Variants in LIG1 observed in about 807,000 individuals in gnomAD.
LIG1 encodes the protein ligase I, DNA, ATP-dependent.
LIG1 carries 70 observed loss-of-function variants against 115.7 expected under a neutral mutation model. The observed-to-expected ratio is 0.60, with a 90% CI of 0.50 to 0.74. The LOEUF is 0.74. Among genes scored for constraint, LIG1 ranks in the 30% least tolerant of loss-of-function variants. LIG1 has a pLI of 0.00. For synonymous variants in LIG1, 487 were observed against 495.3 expected (o/e 0.98, Z 0.22); for missense variants, 1,115 against 1,225.6 (o/e 0.91, Z 1.35).
Position 48,115,937 on chromosome 19 carries a change from C to A in LIG1, c.2612G>T (p.Arg871Leu). The A allele has an allele frequency of 6.2e-7, 1 of 1,613,932 alleles. No homozygotes were observed. The highest frequency in any genetic ancestry group is 8.5e-7 in the Non-Finnish European group (1 of 1,179,988). The change falls in exon 27 of 28, where the codon CGC becomes CTC. Residue 871 changes from arginine (R) to leucine (L), a missense_variant. Physicochemically the swap from Arg to Leu is moderately radical, Grantham distance 102. Coordinates refer to ENST00000263274, the MANE Select transcript of LIG1 (RefSeq NM_000234.3). The stretch of plus-strand genomic sequence containing the variant: ...ACGGACTCGAATAAACCGAGGGAAG[C>A]GAAGGGAGATGCCCTTGTCACTATC... ...LVDSDKGISL[R>L]FPRFIRVRED...
chr19:48,127,418 G>GATGAATGCTGTCGGCCT, intron 20 of LIG1, 70 bp from the exon 21 acceptor site: 1 of 1,366,450 alleles, frequency 7.3e-7, no homozygotes, highest in Non-Finnish European at 1.0e-6. Flanking sequence ...GAGGCCGACA[G>GATGAATGCTGTCGGCCT]CATTCATCTA....
At chr19:48,120,754 C>T in intron 24 of LIG1, 1 of 341,564 alleles carries the variant, frequency 2.9e-6, no homozygotes, top group South Asian at 6.5e-5. Context: ...GGCTGGAACT[C>T]CTGCAGCCAC....
intron 18 of LIG1, among the ~76,000 whole-genome samples, 158 bp downstream of exon 18, chr19:48,132,824 A>C (rs2034125182): frequency 6.9e-6 from 1 of 144,268 alleles, no homozygotes. Context: ...AAAAGAACAC[A>C]CTCACTGCAT....
rs1455317416 is a variant in LIG1, at chr19:48,121,366, G to C, written c.2233-44C>G. 1.9e-6 allele frequency: 3 copies of C among 1,539,600 alleles called. No individual in the cohort carries two copies. In the East Asian group the frequency reaches 7.0e-5, roughly 36 times the overall value. On this transcript the variant is annotated intron_variant, in intron 23 of 27. Coordinates refer to ENST00000263274, the MANE Select transcript of LIG1 (RefSeq NM_000234.3). ...AGAGATGAGAAGGGGGAGCGCCCAA[G>C]GCGGGGCCCTCACTGCTGGGGAGGG... is the stretch of plus-strand genomic sequence containing the variant.
intron 24 of LIG1, chr19:48,120,867 G>GC: frequency 5.9e-6 from 6 of 1,009,792 alleles, no homozygotes; most frequent in Non-Finnish European, 7.5e-6. Context: ...GCATCAGACT[G>GC]CCCCCTCCAC....
At chr19:48,142,405 T>TGCACTCCAGCCTGGGCAACAGA (rs2034821124) in intron 11 of LIG1, among the ~76,000 whole-genome samples, 1 of 127,566 alleles carries the variant, frequency 7.8e-6, no homozygotes, top group African/African-American at 3.0e-5. Context: ...ATTGCGCCAC[T>TGCACTCCAGCCTGGGCAACAGA]GCACTCCAGC....
intron 6 of LIG1, among the ~76,000 whole-genome samples, chr19:48,153,017 T>C (rs943599607): frequency 5.3e-5 from 8 of 151,846 alleles, no homozygotes; most frequent in Non-Finnish European, 1.0e-4. Flanking sequence ...GTCAACATAG[T>C]GAAACCCTGT....
intron 6 of LIG1, among the ~76,000 whole-genome samples, 182 bp downstream of exon 6, chr19:48,153,690 A>ACACAC (rs2035627751): frequency 1.6e-5 from 1 of 62,474 alleles, no homozygotes; most frequent in African/African-American, 7.9e-5. Flanking sequence ...ACACACACAC[A>ACACAC]CCTCTCCTTC....
At chr19:48,168,297 C>G (rs759686442) in intron 1 of LIG1, among the ~76,000 whole-genome samples, 4 of 152,200 alleles carry the variant, frequency 2.6e-5, no homozygotes, top group Non-Finnish European at 5.9e-5. Flanking sequence ...CCCTCCAAGA[C>G]AGGTGAGATC....
chr19:48,153,670 A>G (rs2035618454), intron 6 of LIG1, among the ~76,000 whole-genome samples: 1 of 145,104 alleles, frequency 6.9e-6, no homozygotes, highest in African/African-American at 2.6e-5. Context: ...ACACACACAC[A>G]CACACACACA....
intron 16 of LIG1, among the ~76,000 whole-genome samples, chr19:48,134,755 T>TA (rs532493927): frequency 5.4e-4 from 82 of 152,364 alleles, no homozygotes; most frequent in Admixed American, 2.4e-3. Context: ...CAGCAGCTGA[T>TA]AGAGCCCCAC....
chr19:48,115,666 G>GAC lies in LIG1; in HGVS notation c.2742_2743insGT (p.Pro915ValfsTer12), dbSNP rs2032743618. On this transcript the variant is annotated frameshift_variant, in exon 28 of 28. Transcript: ENST00000263274. LOFTEE classifies it high-confidence loss of function. The stretch of plus-strand genomic sequence containing the variant: ...GCGAGGGCTTAGTAGGTATCTTCAG[G>GAC]GTCAGAGCCTGAGTCCTCGCCTTGT... 6.2e-7 allele frequency: 1 copy of GAC among 1,613,624 alleles called. No individual in the cohort carries two copies. The highest frequency in any genetic ancestry group is 1.3e-5 in the African/African-American group (1 of 74,916).
chr19:48,143,947 C>G lies in LIG1; in HGVS notation c.793G>C (p.Gly265Arg). ...GAAEGPLDPS[G>R]YNPAKNNYHP... is the part of the protein sequence containing the mutation. ...TAGTTGTTCTTGGCAGGATTGTAAC[C>G]AGATGGATCCAGGGGTCTACGGAGG... The change falls in exon 10 of 28, where the codon GGT becomes CGT. Residue 265 changes from glycine to arginine, a missense_variant. Physicochemically the swap from Gly to Arg is moderately radical, Grantham distance 125 (BLOSUM62 -2). Transcript: ENST00000263274. 6.2e-7 allele frequency: 1 copy of G among 1,613,970 alleles called. No homozygotes were observed. Among genetic ancestry groups the G allele is most frequent in the Non-Finnish European group, 8.5e-7 (1 of 1,179,882 alleles).
At chr19:48,129,688 C>G (rs1055382597) in intron 19 of LIG1, among the ~76,000 whole-genome samples, 9 of 152,208 alleles carry the variant, frequency 5.9e-5, no homozygotes, top group Non-Finnish European at 1.0e-4. Context: ...GGGGTTGCCT[C>G]TGGTGGATGC....
chr19:48,163,840 G>C (rs925737560), intron 2 of LIG1, among the ~76,000 whole-genome samples: 3 of 151,746 alleles, frequency 2.0e-5, no homozygotes, highest in African/African-American at 7.3e-5. Context: ...AGCTACTCAG[G>C]AGGCTGAGGC....
chr19:48,115,679 G>A lies in LIG1; in HGVS notation c.2730C>T (p.Asp910=), dbSNP rs2032745187. Reference sequence around the variant, plus strand: ...AGGTATCTTCAGGGTCAGAGCCTGAGTCCTCGCCTTGTTGGTTCTGAATCT... The same window carrying A: ...AGGTATCTTCAGGGTCAGAGCCTGAATCCTCGCCTTGTTGGTTCTGAATCT... ...QSQIQNQQGE[D]SGSDPEDTY is the part of the protein sequence containing the mutation. Residue 910 remains aspartate (D), a synonymous_variant, in exon 28 of 28, where the codon GAC becomes GAT. Transcript: ENST00000263274. 2 of 1,614,066 alleles carry A rather than the reference G, an allele frequency of 1.2e-6. No individual in the cohort carries two copies. Among genetic ancestry groups the A allele is most frequent in the African/African-American group, 2.7e-5 (2 of 74,946 alleles).
chr19:48,133,161 G>C (rs932966329), intron 17 of LIG1, 64 bp from the exon 18 acceptor site: 3 of 1,046,830 alleles, frequency 2.9e-6, no homozygotes, highest in Non-Finnish European at 4.5e-6. Flanking sequence ...GGAACATGGA[G>C]AGGAGAACTG....
At chr19:48,165,709 G>GAA (rs34824188) in intron 1 of LIG1, 86 bp from the exon 2 acceptor site, 118,082 of 765,380 alleles carry the variant, frequency 0.15, 3,571 homozygotes, top group African/African-American at 0.28. Flanking sequence ...AAGAAAGAAA[G>GAA]AAAAAAAAAA....
chr19:48,147,456 C>T (rs191021174), intron 9 of LIG1: 2 of 152,048 alleles, frequency 1.3e-5, no homozygotes, highest in East Asian at 1.9e-4. Flanking sequence ...GTGGGAGGAT[C>T]ACTTGAGTCC....
Sources: gnomAD v4.1 joint callset for allele counts (sites outside exome capture counted in the v4.1 genomes callset) on GRCh38, gnomAD v4.1.1 for gene constraint, MANE v1.5 for transcripts, NCBI Gene and HGNC (gene_info 2026-07-23, HGNC 2026-07-21) for gene names.